The following MAP3K2 variants were observed in gnomAD, a reference collection of about 807,000 sequenced individuals.
MAP3K2 encodes mitogen-activated protein kinase kinase kinase 2.
MAP3K2 carries 24 observed loss-of-function variants against 80.3 expected under a neutral mutation model. That is an observed-to-expected ratio of 0.30 (90% confidence interval 0.22 to 0.42). The LOEUF (loss-of-function observed/expected upper bound fraction) is 0.42, where lower values mean the gene tolerates loss of function less well. MAP3K2 is among the 10% of genes least tolerant of loss of function. The probability of loss-of-function intolerance (pLI) is 1.00; values close to 1 mark genes in which losing one functional copy is unlikely to be tolerated. For synonymous variants in MAP3K2, 244 were observed against 253.7 expected, an observed-to-expected ratio of 0.96 and a Z score of 0.36; for missense variants, 608 against 750.1, an observed-to-expected ratio of 0.81 and a Z score of 2.21.
chr2:127,318,091 A>T, intron 13 of MAP3K2, 78 bp downstream of exon 13: 8 of 956,378 alleles, frequency 8.4e-6, no homozygotes, highest in Non-Finnish European at 1.2e-5. Context: ...TTTAGAATGG[A>T]AGGGGCTTAA....
At position 127,323,957 on chromosome 2, in the gene MAP3K2, T is replaced by G; in HGVS notation, c.783A>C (p.Gly261=). The part of the protein sequence containing the change: ...DNPIFEKFGK[G]GTYPRRYHVS... ...CATGATACCTTCTTGGATATGTTCC[T>G]CCTTTTCCAAATTTCTCAAAGATAG... is the stretch of plus-strand genomic sequence containing the variant. Residue 261 remains glycine, a synonymous_variant, in exon 11 of 17, where the codon GGA becomes GGC. Coordinates refer to ENST00000682094, the MANE Select transcript of MAP3K2 (RefSeq NM_001371910.2). 6.4e-7 allele frequency: 1 copy of G among 1,567,532 alleles called. No homozygotes were observed. The highest frequency in any genetic ancestry group is 8.7e-7 in the Non-Finnish European group (1 of 1,149,184).
At chr2:127,331,137 T>G (rs1054968464) in intron 5 of MAP3K2, among the ~76,000 whole-genome samples, 6 of 152,200 alleles carry the variant, frequency 3.9e-5, no homozygotes, top group African/African-American at 1.4e-4. Context: ...ATGTGGAATC[T>G]GCTTTCACTA....
intron 1 of MAP3K2, among the ~76,000 whole-genome samples, chr2:127,385,528 C>T (rs929023857): frequency 1.3e-5 from 2 of 152,168 alleles, no homozygotes; most frequent in African/African-American, 4.8e-5. Context: ...TTGCAGTGGT[C>T]TGGAACCAAA....
At chr2:127,346,396 A>C (rs1686595050) in intron 1 of MAP3K2, among the ~76,000 whole-genome samples, 2 of 130,218 alleles carry the variant, frequency 1.5e-5, no homozygotes, top group Admixed American at 1.7e-4. Flanking sequence ...TACAGAATTT[A>C]CAAAAACTGG....
intron 12 of MAP3K2, among the ~76,000 whole-genome samples, chr2:127,320,648 A>AAT (rs556677537): frequency 2.4e-4 from 37 of 152,324 alleles, no homozygotes; most frequent in African/African-American, 8.7e-4. Flanking sequence ...ACCCTACACA[A>AAT]ATATACCTAG....
chr2:127,350,939 C>T (rs911290952), intron 1 of MAP3K2, among the ~76,000 whole-genome samples: 5 of 151,892 alleles, frequency 3.3e-5, no homozygotes, highest in Middle Eastern at 3.2e-3. Context: ...GAGAAGAATA[C>T]CACATCACCT....
intron 1 of MAP3K2, among the ~76,000 whole-genome samples, chr2:127,362,657 T>C (rs911395667): frequency 2.6e-5 from 4 of 152,314 alleles, no homozygotes; most frequent in East Asian, 1.9e-4. Context: ...CAACCCATAA[T>C]TGGTTTACCA....
intron 1 of MAP3K2, among the ~76,000 whole-genome samples, chr2:127,362,556 C>G (rs948529428): frequency 6.6e-6 from 1 of 152,032 alleles, no homozygotes; most frequent in African/African-American, 2.4e-5. Flanking sequence ...GAAGGTAGCT[C>G]TTAGAACAAA....
chr2:127,361,312 CAAAAAAA>C (rs1233881088), intron 1 of MAP3K2, among the ~76,000 whole-genome samples: 2 of 66,066 alleles, frequency 3.0e-5, no homozygotes, highest in South Asian at 5.8e-4. Flanking sequence ...CACTCTGTCT[CAAAAAAA>C]AAAAAAAAAA....
Position 127,300,509 on chromosome 2 carries a change from T to C in MAP3K2, c.*7070A>G, listed in dbSNP as rs1685570542. 6.6e-6 allele frequency: 1 copy of C among 152,180 alleles called. No homozygotes were observed. The allele number at this position is 152,180 out of a possible 1,614,324, so 9.4% of individuals were successfully genotyped here. On this transcript the variant is annotated 3_prime_UTR_variant, in exon 17 of 17. Transcript: ENST00000682094. ...AATTCAAAGTTTATTCTCAAATTTA[T>C]CCAAGTTTACTTTTATTTACAATGA...
rs1187527114 is a variant in MAP3K2, at chr2:127,343,021, AATTT to A, written c.4+101_4+104del. 7.4e-6 allele frequency: 6 copies of A among 815,994 alleles called. No homozygotes were observed. In the Admixed American group the frequency reaches 8.5e-5, roughly 12 times the overall value. The allele number at this position is 815,994 out of a possible 1,614,324, so 50.5% of individuals were successfully genotyped here. A position where few individuals can be genotyped will look rare whatever the true frequency, so the allele number is the denominator to read the frequency against. ...ATTTCATAAATCTGCTATATCATAA[AATTT>A]ATTTATAAAAAGGTTTATAATAACA... On this transcript the variant is annotated intron_variant, in intron 2 of 16. Transcript: ENST00000682094.
At chr2:127,352,971 G>A (rs1241378304) in intron 1 of MAP3K2, among the ~76,000 whole-genome samples, 6 of 152,198 alleles carry the variant, frequency 3.9e-5, no homozygotes, top group Non-Finnish European at 8.8e-5. Context: ...AAGGTGCCGG[G>A]ATTGCAGATG....
intron 1 of MAP3K2, among the ~76,000 whole-genome samples, chr2:127,375,406 A>ATTTTTTTTTTT (rs200517629): frequency 7.1e-6 from 1 of 140,320 alleles, no homozygotes; most frequent in Non-Finnish European, 1.6e-5. Flanking sequence ...ATTATTATTT[A>ATTTTTTTTTTT]TTTATTTATT....
intron 7 of MAP3K2, among the ~76,000 whole-genome samples, chr2:127,329,353 G>A (rs1372724260): frequency 7.3e-6 from 1 of 136,392 alleles, no homozygotes; most frequent in African/African-American, 2.7e-5. Context: ...CATTCTATTT[G>A]TACAATTAAA....
At chr2:127,384,688 G>C (rs1687313856) in intron 1 of MAP3K2, among the ~76,000 whole-genome samples, 1 of 151,366 alleles carries the variant, frequency 6.6e-6, no homozygotes, top group African/African-American at 2.4e-5. Context: ...TTTTAAGACA[G>C]GGTCTTGCTC....
chr2:127,354,249 AAAAG>A (rs1186421734), intron 1 of MAP3K2, among the ~76,000 whole-genome samples: 3 of 151,282 alleles, frequency 2.0e-5, no homozygotes, highest in Non-Finnish European at 2.9e-5. Context: ...TAAAAAAAAA[AAAAG>A]AAAGAAATAT....
At chr2:127,334,280 T>C (rs1686321334) in intron 5 of MAP3K2, among the ~76,000 whole-genome samples, 1 of 152,122 alleles carries the variant, frequency 6.6e-6, no homozygotes, top group African/African-American at 2.4e-5. Context: ...TTGATAGACC[T>C]ACTAGGCTGT....
At position 127,324,163 on chromosome 2, in the gene MAP3K2, T is replaced by C. The variant is rs373458204; in HGVS notation, c.745+11A>G. 2.9e-5 allele frequency: 44 copies of C among 1,514,434 alleles called. 1 individual carries two copies. In the Middle Eastern group the frequency reaches 1.0e-3, roughly 35 times the overall value. The allele number at this position is 1,514,434 out of a possible 1,614,324, so 93.8% of individuals were successfully genotyped here. A position where few individuals can be genotyped will look rare whatever the true frequency, so the allele number is the denominator to read the frequency against. ...TAAACATTTAAACATTTAGAATTTA[T>C]AAAGTCTAACCTGAAAATTCCTGAT... On this transcript the variant is annotated intron_variant, in intron 10 of 16. Transcript: ENST00000682094.
intron 1 of MAP3K2, among the ~76,000 whole-genome samples, chr2:127,350,239 C>T (rs1405268214): frequency 6.6e-6 from 1 of 151,808 alleles, no homozygotes; most frequent in Non-Finnish European, 1.5e-5. Flanking sequence ...GAAGGGGATT[C>T]CACTTATCAA....
Sources: allele counts gnomAD v4.1 joint callset (sites outside exome capture counted in the v4.1 genomes callset), GRCh38; gene constraint gnomAD v4.1.1; transcripts MANE v1.5; gene names NCBI Gene and HGNC (gene_info 2026-07-23, HGNC 2026-07-21).